Variants in ZNF749 observed in about 807,000 individuals in gnomAD.
The protein encoded by ZNF749 is zinc finger protein 749.
In ZNF749, 8 loss-of-function variants were observed where a neutral mutation model predicts 7.3. The ratio of observed to expected loss-of-function variants is 1.10; its 90% confidence interval spans 0.64 to 1.98. ZNF749 has a LOEUF of 1.98. Ranked by LOEUF, ZNF749 falls within the 30% of genes most tolerant of loss-of-function variation. The probability of loss-of-function intolerance (pLI) is 0.00; values close to 1 mark genes in which losing one functional copy is unlikely to be tolerated. For synonymous variants in ZNF749, 310 were observed against 322.4 expected, an observed-to-expected ratio of 0.96 and a Z score of 0.41; for missense variants, 898 against 932.4, an observed-to-expected ratio of 0.96 and a Z score of 0.48.
At position 57,443,856 on chromosome 19, in the gene ZNF749, C is replaced by T. The variant is rs759683639; in HGVS notation, c.708C>T (p.Asn236=). The T allele has an allele frequency of 5.0e-6, 8 of 1,613,642 alleles. No homozygotes were observed. Among genetic ancestry groups the T allele is most frequent in the Admixed American group, 1.7e-5 (1 of 59,992 alleles). The part of the protein sequence containing the change: ...FSECGELFRY[N]SNLIKYQQNH... ...AATGTGGGGAATTGTTTAGGTACAA[C>T]TCCAACCTTATTAAATATCAGCAAA... Residue 236 remains asparagine (N), a synonymous_variant, in exon 3 of 3, where the codon AAC becomes AAT. Transcript: ENST00000334181.
intron 1 of ZNF749, chr19:57,438,340 C>T: frequency 3.1e-6 from 1 of 327,546 alleles, no homozygotes; most frequent in South Asian, 1.6e-4. Context: ...CCAGTCGTTA[C>T]CTCCTCCTCC....
At position 57,445,110 on chromosome 19, in the gene ZNF749, ACT is replaced by A; in HGVS notation, c.1964_1965del (p.Leu655HisfsTer14). 1 of 1,613,798 alleles carries A rather than the reference ACT, an allele frequency of 6.2e-7. No homozygotes were observed. Among genetic ancestry groups the A allele is most frequent in the Non-Finnish European group, 8.5e-7 (1 of 1,179,932 alleles). On this transcript the variant is annotated frameshift_variant, in exon 3 of 3. Coordinates refer to ENST00000334181, the MANE Select transcript of ZNF749 (RefSeq NM_001023561.4). LOFTEE classifies it low-confidence loss of function (END_TRUNC). Reference sequence around the variant, plus strand: ...GGAAATTTTTTAGAGATAGCTACAAACTCATTATTCATCAGAGAGTTCATACT... The same window carrying A: ...GGAAATTTTTTAGAGATAGCTACAAACATTATTCATCAGAGAGTTCATACT... ...CGKFFRDSYK[L>X]IIHQRVHTGE...
upstream of ZNF749, among the ~76,000 whole-genome samples, chr19:57,431,582 A>T (rs1262668532): frequency 6.6e-6 from 1 of 152,130 alleles, no homozygotes; most frequent in Non-Finnish European, 1.5e-5. Context: ...CCCCACAAGA[A>T]CACGACAATC....
chr19:57,445,405 T>A lies in ZNF749; in HGVS notation c.2257T>A (p.Cys753Ser). The A allele has an allele frequency of 1.2e-6, 2 of 1,613,890 alleles. No homozygotes were observed. The highest frequency in any genetic ancestry group is 1.7e-6 in the Non-Finnish European group (2 of 1,179,872). Residue 753 changes from cysteine to serine, a missense_variant, in exon 3 of 3, where the codon TGT becomes AGT. Transcript: ENST00000334181. ...KTHTGERSYE[C>S]GESSKVFKYN... ...TCACACTGGAGAAAGGTCTTATGAGTGTGGTGAATCCAGCAAAGTGTTTAA... is the reference window on the plus strand; with the variant it reads ...TCACACTGGAGAAAGGTCTTATGAGAGTGGTGAATCCAGCAAAGTGTTTAA...
In ZNF749 at chr19:57,443,622, C is replaced by T. The variant is rs750922470; in HGVS notation, c.474C>T (p.Gly158=). 7 of 1,614,204 alleles carry T rather than the reference C, an allele frequency of 4.3e-6. No homozygotes were observed. In the East Asian group the frequency reaches 8.9e-5, roughly 21 times the overall value. The change falls in exon 3 of 3, where the codon GGC becomes GGT. Residue 158 remains glycine (G), a synonymous_variant. Transcript: ENST00000334181. ...GERNFTCTQG[G]KDFTASSDLL... is the part of the protein sequence containing the mutation. ...GGAACTTCACATGCACGCAGGGTGG[C>T]AAGGATTTTACTGCCAGCTCAGACC...
intron 2 of ZNF749, 56 bp from the exon 3 acceptor site, chr19:57,443,235 G>A (rs2089011171): frequency 6.9e-7 from 1 of 1,451,772 alleles, no homozygotes. Flanking sequence ...TTGTGATGGG[G>A]CTGTCTCCTC....
rs1335363276 is a variant in ZNF749, at chr19:57,442,018, CCTTCATACCTACTCT to C, written c.142+8_142+22del. The C allele has an allele frequency of 1.2e-6, 2 of 1,613,198 alleles. No individual in the cohort carries two copies. Among genetic ancestry groups the C allele is most frequent in the Non-Finnish European group, 1.7e-6 (2 of 1,179,676 alleles). ...GCGCTTTTGTCATCAGTAGGTAAGG[CCTTCATACCTACTCT>C]GGTGTCTTGTGCTGGGTGCTGTTTT... On this transcript the variant is annotated splice_region_variant and intron_variant, in intron 2 of 2. Coordinates refer to ENST00000334181, the MANE Select transcript of ZNF749 (RefSeq NM_001023561.4). This position sits in a 1 kb window ranked among gnomAD's most constrained non-coding sequence, Gnocchi z 6.6.
upstream of ZNF749, among the ~76,000 whole-genome samples, chr19:57,433,778 T>A (rs62127938): frequency 0.16 from 24,400 of 152,040 alleles, 2,389 homozygotes; most frequent in Admixed American, 0.23. Context: ...TAAGGCATTA[T>A]CCAAATCTTC....
chr19:57,438,256 A>G (rs1293324340), intron 1 of ZNF749: 1 of 390,406 alleles, frequency 2.6e-6, no homozygotes, highest in East Asian at 3.6e-5. Flanking sequence ...ACCCAGGCAC[A>G]AGTGTTTCTT....
Position 57,443,717 on chromosome 19 carries a change from A to C in ZNF749, c.569A>C (p.Gln190Pro), listed in dbSNP as rs1210172182. 6.2e-7 allele frequency: 1 copy of C among 1,614,128 alleles called. No individual in the cohort carries two copies. The highest frequency in any genetic ancestry group is 1.1e-5 in the South Asian group (1 of 91,082). ...YRDTQDGEAF[Q>P]GEQNDFNSSQ... The stretch of plus-strand genomic sequence containing the variant: ...GATACCCAGGATGGGGAAGCCTTTC[A>C]AGGTGAACAGAATGATTTCAACTCC... Residue 190 changes from glutamine to proline, a missense_variant, in exon 3 of 3, where the codon CAA becomes CCA. Physicochemically the swap from Gln to Pro is moderately conservative, Grantham distance 76. Coordinates refer to ENST00000334181, the MANE Select transcript of ZNF749 (RefSeq NM_001023561.4).
chr19:57,441,039 T>C (rs529553033), intron 1 of ZNF749, among the ~76,000 whole-genome samples: 25 of 149,186 alleles, frequency 1.7e-4, no homozygotes, highest in African/African-American at 6.2e-4. Context: ...GGCAGGAGAA[T>C]TGCTTGAACC....
chr19:57,441,782 T>C (rs767501679), intron 1 of ZNF749, 103 bp from the exon 2 acceptor site: 2 of 1,387,260 alleles, frequency 1.4e-6, no homozygotes, highest in Non-Finnish European at 2.0e-6. Flanking sequence ...CATTGGCTGT[T>C]AGTTTGGCCC....
Position 57,444,723 on chromosome 19 carries a change from C to A in ZNF749, c.1575C>A (p.His525Gln). The A allele has an allele frequency of 1.2e-6, 2 of 1,612,652 alleles. No individual in the cohort carries two copies. The highest frequency in any genetic ancestry group is 1.7e-6 in the Non-Finnish European group (2 of 1,179,654). Residue 525 changes from histidine to glutamine, a missense_variant, in exon 3 of 3, where the codon CAC becomes CAA. Transcript: ENST00000334181. The part of the protein sequence containing the change: ...QCAKAFVRKS[H>Q]LVQHEKIHTD... ...CGAAGGCCTTTGTTAGAAAGTCCCACCTAGTTCAGCATGAGAAAATCCACA... is the reference window on the plus strand; with the variant it reads ...CGAAGGCCTTTGTTAGAAAGTCCCAACTAGTTCAGCATGAGAAAATCCACA...
upstream of ZNF749, among the ~76,000 whole-genome samples, chr19:57,432,806 T>C (rs1334506397): frequency 2.0e-5 from 3 of 152,130 alleles, no homozygotes; most frequent in Non-Finnish European, 2.9e-5. Flanking sequence ...GTATGATACA[T>C]TGTAACATAA....
intron 2 of ZNF749, 96 bp from the exon 3 acceptor site, chr19:57,443,195 C>A: frequency 1.9e-6 from 2 of 1,063,470 alleles, no homozygotes; most frequent in African/African-American, 1.6e-5. Context: ...CAGTCCTGTG[C>A]CCTCATTTGT....
Position 57,446,114 on chromosome 19 carries a change from C to T in ZNF749, c.*629C>T, listed in dbSNP as rs899619484. On this transcript the variant is annotated 3_prime_UTR_variant, in exon 3 of 3. Coordinates refer to ENST00000334181, the MANE Select transcript of ZNF749 (RefSeq NM_001023561.4). ...CCTTTAAACCAGGGGTCCACAACCC[C>T]CAGGCTGCAAACTGGTACCAGTCTG... Among the ~76,000 whole-genome samples the T allele has an allele frequency of 3.3e-5, 5 of 152,064 alleles. No individual in the cohort carries two copies. Among genetic ancestry groups the T allele is most frequent in the Non-Finnish European group, 7.4e-5 (5 of 68,016 alleles).
chr19:57,433,255 G>A (rs1040739933), upstream of ZNF749, among the ~76,000 whole-genome samples: 1 of 152,064 alleles, frequency 6.6e-6, no homozygotes, highest in African/African-American at 2.4e-5. Flanking sequence ...CAATTAGAAA[G>A]CTGTCAGTTC....
upstream of ZNF749, among the ~76,000 whole-genome samples, chr19:57,433,747 C>G (rs2088911162): frequency 6.6e-6 from 1 of 151,634 alleles, no homozygotes; most frequent in South Asian, 2.1e-4. Context: ...TCTTCCTTCA[C>G]TAATCCTGCA....
rs2089051781 is a variant in ZNF749, at chr19:57,445,342, G to A, written c.2194G>A (p.Asp732Asn). The change falls in exon 3 of 3, where the codon GAC becomes AAC. Residue 732 changes from aspartate (D) to asparagine (N), a missense_variant. By Grantham distance (23) the Asp-to-Asn change is conservative. Coordinates refer to ENST00000334181, the MANE Select transcript of ZNF749 (RefSeq NM_001023561.4). ...SPFKLRECGKDFNKCNTGQRQ... is the reference protein window; with the variant it reads ...SPFKLRECGKNFNKCNTGQRQ... ...TTTTAAGTTAAGGGAATGTGGGAAA[G>A]ACTTCAACAAATGTAATACTGGTCA... The A allele has an allele frequency of 6.2e-7, 1 of 1,613,652 alleles. No homozygotes were observed. Among genetic ancestry groups the A allele is most frequent in the African/African-American group, 1.3e-5 (1 of 74,866 alleles).
Sources: gnomAD v4.1 joint callset for allele counts (sites outside exome capture counted in the v4.1 genomes callset) on GRCh38, gnomAD v4.1.1 for gene constraint, Gnocchi (gnomAD v3.1) non-coding constraint, MANE v1.5 for transcripts, NCBI Gene and HGNC (gene_info 2026-07-23, HGNC 2026-07-21) for gene names.